FOLR3: variants seen among roughly 807,000 people sequenced by gnomAD.
FOLR3 encodes the protein folate receptor 3 (gamma).
FOLR3 carries 9 observed loss-of-function variants against 20.0 expected under a neutral mutation model. The observed-to-expected ratio is 0.45, with a 90% CI of 0.27 to 0.79. FOLR3 has a LOEUF of 0.79. FOLR3 is among the 30% of genes least tolerant of loss of function. FOLR3 has a pLI of 0.15. For synonymous variants in FOLR3, 124 were observed against 115.5 expected, an observed-to-expected ratio of 1.07 and a Z score of -0.47; for missense variants, 309 against 323.5, an observed-to-expected ratio of 0.96 and a Z score of 0.34.
At chr11:72,138,894 A>T in intron 2 of FOLR3, 67 bp from the exon 3 acceptor site, 1 of 1,575,730 alleles carries the variant, frequency 6.3e-7, no homozygotes, top group Non-Finnish European at 8.6e-7. Flanking sequence ...CCTGGGGCAG[A>T]GGAGCCAGAA....
rs771629831 is a variant in FOLR3, at chr11:72,139,842, G to C, written c.*11G>C. On this transcript the variant is annotated 3_prime_UTR_variant, in exon 5 of 5. Coordinates refer to ENST00000611028, the MANE Select transcript of FOLR3 (RefSeq NM_000804.4). Reference sequence around the variant, plus strand: ...ATTATTGATTCCTGATCCAAGAAGGGTCCTCTGGGGTTCTTCCAACAACCT... The same window carrying C: ...ATTATTGATTCCTGATCCAAGAAGGCTCCTCTGGGGTTCTTCCAACAACCT... The C allele has an allele frequency of 6.2e-7, 1 of 1,612,552 alleles. No homozygotes were observed. Among genetic ancestry groups the C allele is most frequent in the South Asian group, 1.1e-5 (1 of 91,066 alleles).
intron 2 of FOLR3, 29 bp downstream of exon 2, chr11:72,136,149 GCA>G: frequency 1.2e-6 from 2 of 1,612,552 alleles, no homozygotes; most frequent in Non-Finnish European, 1.7e-6. Context: ...AGGACAGCAT[GCA>G]CACAGGTCAG....
At position 72,135,906 on chromosome 11, in the gene FOLR3, G is replaced by C. The variant is rs561386407; in HGVS notation, c.-6-41G>C. 39,650 of 1,540,086 alleles carry C rather than the reference G, an allele frequency of 0.026. 1,307 individuals are homozygous for C. Among genetic ancestry groups the C allele is most frequent in the African/African-American group, 0.11 (7,453 of 69,228 alleles). ...ACACAATCACATGGCTGTTGCCCCT[G>C]TCTCAGGCCTTGTCTACCTCTGACT... On this transcript the variant is annotated intron_variant, in intron 1 of 4. Coordinates refer to ENST00000611028, the MANE Select transcript of FOLR3 (RefSeq NM_000804.4).
At position 72,135,944 on chromosome 11, in the gene FOLR3, C is replaced by G; in HGVS notation, c.-6-3C>G. On this transcript the variant is annotated splice_region_variant and splice_polypyrimidine_tract_variant and intron_variant, in intron 1 of 4. Coordinates refer to ENST00000611028, the MANE Select transcript of FOLR3 (RefSeq NM_000804.4). The stretch of plus-strand genomic sequence containing the variant: ...TCTACCTCTGACTGTGGCTCTCTGG[C>G]AGGAATAGATGGACATGGCCTGGCA... 2.5e-6 allele frequency: 4 copies of G among 1,608,272 alleles called. No homozygotes were observed. The highest frequency in any genetic ancestry group is 3.4e-6 in the Non-Finnish European group (4 of 1,176,238).
Position 72,139,406 on chromosome 11 carries a change from T to C in FOLR3, c.417T>C (p.Cys139=), listed in dbSNP as rs750077977. 1.9e-6 allele frequency: 3 copies of C among 1,611,946 alleles called. No individual in the cohort carries two copies. The highest frequency in any genetic ancestry group is 1.7e-6 in the Non-Finnish European group (2 of 1,178,930). The change falls in exon 4 of 5, where the codon TGT becomes TGC. Residue 139 remains cysteine, a synonymous_variant. Coordinates refer to ENST00000611028, the MANE Select transcript of FOLR3 (RefSeq NM_000804.4). ...ACGTGCCCCTGTGCAAAGAGGACTG[T>C]GAGCGCTGGTGGGAGGACTGTCGCA... ...ILNVPLCKED[C]ERWWEDCRTS...
chr11:72,137,659 T>C (rs1362337107), intron 2 of FOLR3, among the ~76,000 whole-genome samples: 2 of 152,070 alleles, frequency 1.3e-5, no homozygotes, highest in African/African-American at 4.8e-5. Flanking sequence ...GCCTGGCTAA[T>C]TTTTTGGTAT....
At position 72,139,030 on chromosome 11, in the gene FOLR3, C is replaced by T. The variant is rs372100955; in HGVS notation, c.238C>T (p.Arg80Cys). The change falls in exon 3 of 5, where the codon CGC (arginine) becomes TGC (cysteine). Residue 80 changes from arginine to cysteine, a missense_variant. By Grantham distance (180) the Arg-to-Cys change is radical. Transcript: ENST00000611028. ...CCAGGAGCTGCACAAGGACACCTCC[C>T]GCCTGTACAACTTTAACTGGGATCA... Reference protein sequence around the residue: ...TSQELHKDTSRLYNFNWDHCG... With the variant: ...TSQELHKDTSCLYNFNWDHCG... 35 of 1,613,906 alleles carry T rather than the reference C, an allele frequency of 2.2e-5. No individual in the cohort carries two copies. Among genetic ancestry groups the T allele is most frequent in the Non-Finnish European group, 2.8e-5 (33 of 1,179,908 alleles).
At chr11:72,137,176 T>C (rs1947752249) in intron 2 of FOLR3, among the ~76,000 whole-genome samples, 1 of 152,208 alleles carries the variant, frequency 6.6e-6, no homozygotes, top group Admixed American at 6.5e-5. Context: ...AGAAATTTTA[T>C]GCAATTGATT....
intron 2 of FOLR3, among the ~76,000 whole-genome samples, chr11:72,136,893 A>G (rs1947748544): frequency 6.6e-6 from 1 of 152,210 alleles, no homozygotes; most frequent in Non-Finnish European, 1.5e-5. Flanking sequence ...CTTGACCCTG[A>G]CAGGCAGGAC....
Position 72,139,131 on chromosome 11 carries a change from G to A in FOLR3, c.339G>A (p.Leu113=). 6.2e-7 allele frequency: 1 copy of A among 1,613,088 alleles called. No homozygotes were observed. The highest frequency in any genetic ancestry group is 8.5e-7 in the Non-Finnish European group (1 of 1,179,194). The change falls in exon 3 of 5, where the codon CTG becomes CTA. Residue 113 remains leucine (L), a synonymous_variant. Transcript: ENST00000611028. ...DSCLYECSPN[L]GPWIRQVNQS... ...GTCTCTATGAGTGCTCACCCAACCTGGGGCCCTGGATCCGGCAGGTATGAG... is the reference window on the plus strand; with the variant it reads ...GTCTCTATGAGTGCTCACCCAACCTAGGGCCCTGGATCCGGCAGGTATGAG...
chr11:72,138,445 C>A (rs1319673338), intron 2 of FOLR3, among the ~76,000 whole-genome samples: 2 of 152,158 alleles, frequency 1.3e-5, no homozygotes, highest in East Asian at 3.9e-4. Flanking sequence ...CTCTCTCAGA[C>A]AGTGGCTCTC....
intron 2 of FOLR3, among the ~76,000 whole-genome samples, chr11:72,138,467 A>G (rs574754788): frequency 1.3e-5 from 2 of 152,278 alleles, no homozygotes; most frequent in African/African-American, 4.8e-5. Flanking sequence ...CTCATCTCCT[A>G]TATCCCGTGG....
chr11:72,139,823 G>T lies in FOLR3; in HGVS notation c.730G>T (p.Asp244Tyr). ...TGGGGCCCCGTCTCGTGGGATTATT[G>T]ATTCCTGATCCAAGAAGGGTCCTCT... ...NAGAPSRGII[D>Y]S is the part of the protein sequence containing the mutation. Residue 244 changes from aspartate (D) to tyrosine (Y), a missense_variant, in exon 5 of 5, where the codon GAT (aspartate) becomes TAT (tyrosine). Transcript: ENST00000611028. 6.2e-7 allele frequency: 1 copy of T among 1,613,874 alleles called. No individual in the cohort carries two copies. Among genetic ancestry groups the T allele is most frequent in the Non-Finnish European group, 8.5e-7 (1 of 1,179,790 alleles).
chr11:72,139,736 G>C lies in FOLR3; in HGVS notation c.643G>C (p.Asp215His). 1 of 1,614,096 alleles carries C rather than the reference G, an allele frequency of 6.2e-7. No individual in the cohort carries two copies. Among genetic ancestry groups the C allele is most frequent in the Non-Finnish European group, 8.5e-7 (1 of 1,180,006 alleles). ...GSGRCIQMWFDSAQGNPNEEV... is the reference protein window; with the variant it reads ...GSGRCIQMWFHSAQGNPNEEV... ...CGGCCGCTGCATCCAGATGTGGTTT[G>C]ACTCAGCCCAGGGCAACCCCAATGA... Residue 215 changes from aspartate (D) to histidine (H), a missense_variant, in exon 5 of 5, where the codon GAC (aspartate) becomes CAC (histidine). By Grantham distance (81) the Asp-to-His change is moderately conservative (BLOSUM62 -1). Transcript: ENST00000611028.
In FOLR3 at chr11:72,136,093, C is replaced by T. The variant is rs1418075546; in HGVS notation, c.141C>T (p.Pro47=). The change falls in exon 2 of 5, where the codon CCC becomes CCT. Residue 47 remains proline, a synonymous_variant. Transcript: ENST00000611028. The part of the protein sequence containing the change: ...CMNAKHHKTQ[P]SPEDELYGQC... ...ACGCCAAGCACCACAAGACACAGCC[C>T]AGCCCCGAGGACGAGCTGTATGGCC... 3 of 1,614,098 alleles carry T rather than the reference C, an allele frequency of 1.9e-6. No homozygotes were observed. Among genetic ancestry groups the T allele is most frequent in the Non-Finnish European group, 1.7e-6 (2 of 1,179,946 alleles).
chr11:72,139,572 G>A lies in FOLR3; in HGVS notation c.494-15G>A, dbSNP rs369808921. 5.1e-4 allele frequency: 819 copies of A among 1,613,848 alleles called. 8 individuals are homozygous for A. In the South Asian group the frequency reaches 6.1e-3, roughly 12 times the overall value. On this transcript the variant is annotated splice_polypyrimidine_tract_variant and intron_variant, in intron 4 of 4. Coordinates refer to ENST00000611028, the MANE Select transcript of FOLR3 (RefSeq NM_000804.4). ...CTGGCCCAGAAGCTAAGGGTCTTAC[G>A]TTCTCCTCCCTCAGGGATTAATGAG...
intron 2 of FOLR3, among the ~76,000 whole-genome samples, chr11:72,137,642 C>A (rs1386585329): frequency 2.0e-5 from 3 of 152,082 alleles, no homozygotes; most frequent in Non-Finnish European, 4.4e-5. Flanking sequence ...CAGGCGCCTA[C>A]CACTGTGCCT....
rs781733735 is a variant in FOLR3 at position 72,139,753 on chromosome 11, C to A, written c.660C>A (p.Asn220Lys). 14 of 1,613,986 alleles carry A rather than the reference C, an allele frequency of 8.7e-6. No homozygotes were observed. Among genetic ancestry groups the A allele is most frequent in the Admixed American group, 1.7e-5 (1 of 59,998 alleles). The change falls in exon 5 of 5, where the codon AAC becomes AAA. Residue 220 changes from asparagine to lysine, a missense_variant. Coordinates refer to ENST00000611028, the MANE Select transcript of FOLR3 (RefSeq NM_000804.4). ...IQMWFDSAQG[N>K]PNEEVAKFYA... is the part of the protein sequence containing the mutation. The stretch of plus-strand genomic sequence containing the variant: ...TGTGGTTTGACTCAGCCCAGGGCAA[C>A]CCCAATGAGGAGGTGGCCAAGTTCT...
At position 72,139,619 on chromosome 11, in the gene FOLR3, A is replaced by C. The variant is rs508114; in HGVS notation, c.526A>C (p.Ser176Arg). The change falls in exon 5 of 5, where the codon AGC becomes CGC. Residue 176 changes from serine to arginine, a missense_variant. By Grantham distance (110) the Ser-to-Arg change is moderately radical. Transcript: ENST00000611028. The part of the protein sequence containing the change: ...INECPAGALC[S>R]TFESYFPTPA... ...TGAGTGTCCGGCCGGGGCCCTCTGCAGCACCTTTGAGTCCTACTTCCCCAC... is the reference window on the plus strand; with the variant it reads ...TGAGTGTCCGGCCGGGGCCCTCTGCCGCACCTTTGAGTCCTACTTCCCCAC... 25 of 1,613,506 alleles carry C rather than the reference A, an allele frequency of 1.5e-5. No homozygotes were observed. Among genetic ancestry groups the C allele is most frequent in the African/African-American group, 1.1e-4 (8 of 74,862 alleles).
Sources: allele counts gnomAD v4.1 joint callset (sites outside exome capture counted in the v4.1 genomes callset), GRCh38; gene constraint gnomAD v4.1.1; transcripts MANE v1.5; gene names NCBI Gene and HGNC (gene_info 2026-07-23, HGNC 2026-07-21).